The following DLG2 variants were observed in gnomAD, a reference collection of about 807,000 sequenced individuals.
The protein encoded by DLG2 is disks large homolog 2.
Under a neutral mutation model 132.5 loss-of-function variants are expected in DLG2, and 45 were observed. That is an observed-to-expected ratio of 0.34 (90% CI 0.27 to 0.44). The LOEUF is 0.44. DLG2 is among the 20% of genes least tolerant of loss of function. DLG2 has a pLI of 1.00. For missense variants in DLG2, 1,045 were observed against 1,196.9 expected, an observed-to-expected ratio of 0.87 and a Z score of 1.87; for synonymous variants, 424 against 419.6, an observed-to-expected ratio of 1.01 and a Z score of -0.13.
intron 6 of DLG2, among the ~76,000 whole-genome samples, chr11:84,828,333 C>G (rs1410935987): frequency 6.6e-6 from 1 of 151,768 alleles, no homozygotes; most frequent in East Asian, 2.0e-4. Context: ...TGTTATCTTT[C>G]ATGAATAAGG....
At chr11:84,992,375 C>T (rs901029912) in intron 6 of DLG2, among the ~76,000 whole-genome samples, 4 of 152,124 alleles carry the variant, frequency 2.6e-5, no homozygotes, top group Admixed American at 6.6e-5. Flanking sequence ...AGACTGATAT[C>T]CTGTAACTGT....
At chr11:84,107,371 T>C (rs963623381) in intron 9 of DLG2, among the ~76,000 whole-genome samples, 2 of 152,134 alleles carry the variant, frequency 1.3e-5, no homozygotes, top group East Asian at 1.9e-4. Context: ...CAATTTAGGA[T>C]TTAAACTTTG....
At chr11:84,426,126 TTTACCAAAGACA>T (rs2098965783) in intron 7 of DLG2, among the ~76,000 whole-genome samples, 1 of 152,132 alleles carries the variant, frequency 6.6e-6, no homozygotes, top group Non-Finnish European at 1.5e-5. Flanking sequence ...GCAGGTACTG[TTTACCAAAGACA>T]TTAATGGTAG....
chr11:84,626,701 A>G (rs1376875893), intron 6 of DLG2, among the ~76,000 whole-genome samples: 1 of 152,128 alleles, frequency 6.6e-6, no homozygotes, highest in Non-Finnish European at 1.5e-5. Context: ...ACTAGCAGGG[A>G]AGAGCTATGC....
At chr11:83,620,881 A>AAAAAAAAAAAAAAAG (rs2061531015) in intron 19 of DLG2, among the ~76,000 whole-genome samples, 1 of 150,330 alleles carries the variant, frequency 6.7e-6, no homozygotes, top group South Asian at 2.1e-4. Flanking sequence ...AAAAAAAAAA[A>AAAAAAAAAAAAAAAG]AAAAAAAAAA....
chr11:85,159,010 AC>A (rs1465815868), intron 4 of DLG2, among the ~76,000 whole-genome samples: 1 of 152,140 alleles, frequency 6.6e-6, no homozygotes, highest in Non-Finnish European at 1.5e-5. Flanking sequence ...TTGAGGAAGG[AC>A]CCTACTACAC....
chr11:84,967,238 G>A (rs1340091539), intron 6 of DLG2, among the ~76,000 whole-genome samples: 2 of 152,096 alleles, frequency 1.3e-5, no homozygotes, highest in South Asian at 2.1e-4. Flanking sequence ...CAACTATCGG[G>A]AACACATCTT....
chr11:84,009,170 G>A (rs1196279534), intron 11 of DLG2, among the ~76,000 whole-genome samples: 5 of 151,740 alleles, frequency 3.3e-5, no homozygotes. Context: ...AGGACTAATA[G>A]TATACCATTT....
intron 6 of DLG2, among the ~76,000 whole-genome samples, chr11:84,741,380 C>T (rs1457068433): frequency 6.6e-6 from 1 of 152,088 alleles, no homozygotes; most frequent in Non-Finnish European, 1.5e-5. Flanking sequence ...AGAGTAACAG[C>T]CCCATGATTC....
chr11:83,917,586 C>T (rs368950232), intron 15 of DLG2, among the ~76,000 whole-genome samples: 44 of 152,140 alleles, frequency 2.9e-4, no homozygotes, highest in African/African-American at 3.9e-4. Flanking sequence ...CATCACCATC[C>T]CCCAAGAGAA....
chr11:84,618,224 T>C (rs2099607875), intron 6 of DLG2, among the ~76,000 whole-genome samples: 1 of 152,042 alleles, frequency 6.6e-6, no homozygotes, highest in African/African-American at 2.4e-5. Flanking sequence ...AGGTTGAACC[T>C]GGGGTCTTGA....
chr11:84,491,178 C>T (rs1231986976), intron 7 of DLG2, among the ~76,000 whole-genome samples: 1 of 151,930 alleles, frequency 6.6e-6, no homozygotes, highest in Non-Finnish European at 1.5e-5. Flanking sequence ...TGGCTGTGTC[C>T]CCACCCAAAT....
chr11:85,252,863 C>T (rs1478693504), intron 4 of DLG2, among the ~76,000 whole-genome samples: 1 of 152,156 alleles, frequency 6.6e-6, no homozygotes, highest in African/African-American at 2.4e-5. Flanking sequence ...GTTTGAATAA[C>T]TTGGATATCT....
intron 8 of DLG2, among the ~76,000 whole-genome samples, chr11:84,205,259 C>G (rs2154303159): frequency 6.6e-6 from 1 of 152,216 alleles, no homozygotes; most frequent in Middle Eastern, 3.4e-3. Flanking sequence ...ACTTACAAAA[C>G]TAAAGGGAAG....
chr11:85,336,643 G>C lies in DLG2; in HGVS notation c.41-51278C>G, dbSNP rs570184069. The C allele has an allele frequency of 2.0e-5, 3 of 153,272 alleles. No homozygotes were observed. In the East Asian group the frequency reaches 5.8e-4, roughly 29 times the overall value. 9.5% of individuals were successfully genotyped at this position (153,272 alleles called of 1,614,324 possible). On this transcript the variant is annotated intron_variant, in intron 3 of 27. Coordinates refer to ENST00000376104, the MANE Select transcript of DLG2 (RefSeq NM_001142699.3). The stretch of plus-strand genomic sequence containing the variant: ...AGGATGGGGTCCTGAGCCAGGAGGA[G>C]GGAATGTGGGTGGACATGGGGTGGG...
At chr11:85,303,292 G>T (rs2079721329) in intron 3 of DLG2, among the ~76,000 whole-genome samples, 1 of 152,110 alleles carries the variant, frequency 6.6e-6, no homozygotes, top group Non-Finnish European at 1.5e-5. Flanking sequence ...CCTTGGAATT[G>T]TTACCCTACC....
chr11:85,207,443 C>A (rs2081969053), intron 4 of DLG2, among the ~76,000 whole-genome samples: 1 of 152,144 alleles, frequency 6.6e-6, no homozygotes, highest in African/African-American at 2.4e-5. Context: ...GCAAAAACTA[C>A]TCCTTCTATA....
intron 8 of DLG2, among the ~76,000 whole-genome samples, chr11:84,191,151 G>A (rs892961756): frequency 2.6e-4 from 39 of 152,154 alleles, no homozygotes; most frequent in African/African-American, 9.4e-4. Flanking sequence ...GAGAAAGTCA[G>A]ATTTTTTTAT....
intron 19 of DLG2, among the ~76,000 whole-genome samples, chr11:83,557,712 C>T (rs1158921668): frequency 2.0e-5 from 3 of 152,102 alleles, no homozygotes; most frequent in African/African-American, 7.2e-5. Flanking sequence ...ATACTTGATT[C>T]CTATCAAATC....
Sources: allele counts gnomAD v4.1 joint callset (sites outside exome capture counted in the v4.1 genomes callset), GRCh38; gene constraint gnomAD v4.1.1; transcripts MANE v1.5; gene names NCBI Gene and HGNC (gene_info 2026-07-23, HGNC 2026-07-21).